Variants in ARID3B observed in about 807,000 individuals in gnomAD.
The protein encoded by ARID3B is AT-rich interaction domain 3B.
ARID3B carries 10 observed loss-of-function variants against 51.9 expected under a neutral mutation model. The ratio of observed to expected loss-of-function variants is 0.19; its 90% CI spans 0.12 to 0.33. The LOEUF (loss-of-function observed/expected upper bound fraction) is 0.33. Among genes scored for constraint, ARID3B ranks in the 10% least tolerant of loss-of-function variants. The pLI is 1.00. For missense variants in ARID3B, 483 were observed against 716.3 expected (o/e 0.67, Z 3.72); for synonymous variants, 205 against 279.5 (o/e 0.73, Z 2.66).
rs142267013 is a variant in ARID3B at position 74,571,788 on chromosome 15, A to G, written c.553-1074A>G. Among the ~76,000 whole-genome samples the G allele has an allele frequency of 1.4e-4, 22 of 152,312 alleles. No individual in the cohort carries two copies. In the East Asian group the frequency reaches 4.2e-3, roughly 29 times the overall value. ...GAAGGGAAGGCTTCCTGCTGAAGAGATAACTGATTGGAGGAATAAGAGTTA... is the reference window on the plus strand; with the variant it reads ...GAAGGGAAGGCTTCCTGCTGAAGAGGTAACTGATTGGAGGAATAAGAGTTA... On this transcript the variant is annotated intron_variant, in intron 2 of 8. Coordinates refer to ENST00000346246, the MANE Select transcript of ARID3B (RefSeq NM_006465.4).
intron 2 of ARID3B, among the ~76,000 whole-genome samples, chr15:74,571,355 C>G (rs142088642): frequency 2.1e-3 from 314 of 152,322 alleles, no homozygotes; most frequent in African/African-American, 7.5e-3. Context: ...CCACTGCTCC[C>G]CAGCCCCACA....
chr15:74,591,929 C>CT lies in ARID3B; in HGVS notation c.1420+115_1420+116insT. 1.4e-6 allele frequency: 2 copies of CT among 1,468,838 alleles called. No homozygotes were observed. The highest frequency in any genetic ancestry group is 1.8e-6 in the Non-Finnish European group (2 of 1,095,072). 91.0% of individuals were successfully genotyped at this position (1,468,838 alleles called of 1,614,324 possible). On this transcript the variant is annotated intron_variant, in intron 7 of 8. Transcript: ENST00000346246. This position sits in a 1 kb window ranked among gnomAD's most constrained non-coding sequence, Gnocchi z 5.8. ...CACATACTCCTGACCTGGAAGAGGCCCCTCCAGGTTCTGCCTTCCAGGCCC... is the reference window on the plus strand; with the variant it reads ...CACATACTCCTGACCTGGAAGAGGCCTCCTCCAGGTTCTGCCTTCCAGGCCC...
intron 4 of ARID3B, among the ~76,000 whole-genome samples, chr15:74,584,634 C>T (rs1432118551): frequency 6.6e-6 from 1 of 152,174 alleles, no homozygotes; most frequent in African/African-American, 2.4e-5. Flanking sequence ...AACACTCTTA[C>T]CATCTCTCAT....
rs1439696427 is a variant in ARID3B at position 74,561,816 on chromosome 15, G to T, written c.553-11046G>T. Among the ~76,000 whole-genome samples, 3 of 152,170 alleles carry T rather than the reference G, an allele frequency of 2.0e-5. No individual in the cohort carries two copies. In the East Asian group the frequency reaches 5.8e-4, roughly 29 times the overall value. On this transcript the variant is annotated intron_variant, in intron 2 of 8. Coordinates refer to ENST00000346246, the MANE Select transcript of ARID3B (RefSeq NM_006465.4). ...TTTTCAACCTTATGGTGGTACAAAA[G>T]CCATGCACACTCAGTAGAAACTACT...
At chr15:74,589,098 G>T (rs2061793761) in intron 4 of ARID3B, among the ~76,000 whole-genome samples, 1 of 136,060 alleles carries the variant, frequency 7.3e-6, no homozygotes, top group South Asian at 2.4e-4. Flanking sequence ...TGTGATCTCG[G>T]CTCACTGCAA....
At chr15:74,571,759 G>C (rs2061719769) in intron 2 of ARID3B, among the ~76,000 whole-genome samples, 2 of 152,184 alleles carry the variant, frequency 1.3e-5, no homozygotes, top group African/African-American at 4.8e-5. Flanking sequence ...GCTTTTAGAG[G>C]GTTGAAGGGA....
At chr15:74,572,461 G>C (rs541638705) in intron 2 of ARID3B, among the ~76,000 whole-genome samples, 2 of 152,346 alleles carry the variant, frequency 1.3e-5, no homozygotes, top group Non-Finnish European at 2.9e-5. Flanking sequence ...ACCAGGCAAG[G>C]TGTCTTCCCA....
At chr15:74,558,426 A>G (rs1567118146) in intron 2 of ARID3B, among the ~76,000 whole-genome samples, 1 of 151,440 alleles carries the variant, frequency 6.6e-6, no homozygotes, top group Non-Finnish European at 1.5e-5. Flanking sequence ...TTTGTTTATA[A>G]ATTTTTTGGC....
In ARID3B at chr15:74,595,601, A is replaced by T. The variant is rs756067780; in HGVS notation, c.1520-10A>T. On this transcript the variant is annotated splice_polypyrimidine_tract_variant and intron_variant, in intron 8 of 8. Coordinates refer to ENST00000346246, the MANE Select transcript of ARID3B (RefSeq NM_006465.4). ...CTCTGCCCACACTTGCTTCTCTTCCACCCACCAAGGTGTGCTGTTTGCCCA... is the reference window on the plus strand; with the variant it reads ...CTCTGCCCACACTTGCTTCTCTTCCTCCCACCAAGGTGTGCTGTTTGCCCA... The T allele has an allele frequency of 6.2e-7, 1 of 1,610,074 alleles. No homozygotes were observed. The highest frequency in any genetic ancestry group is 1.7e-5 in the Admixed American group (1 of 59,636).
At chr15:74,581,440 C>T (rs2061761457) in intron 4 of ARID3B, among the ~76,000 whole-genome samples, 1 of 152,102 alleles carries the variant, frequency 6.6e-6, no homozygotes, top group Admixed American at 6.5e-5. Context: ...TGGTCTGTGC[C>T]CTGGACACCC....
At chr15:74,546,168 G>A (rs538256568) in intron 2 of ARID3B, among the ~76,000 whole-genome samples, 205 of 152,322 alleles carry the variant, frequency 1.3e-3, no homozygotes, top group Non-Finnish European at 2.5e-3. Flanking sequence ...CAACTTCCAC[G>A]ACAGCAGCAC....
chr15:74,577,603 C>T (rs1423896529), intron 4 of ARID3B, among the ~76,000 whole-genome samples: 3 of 152,150 alleles, frequency 2.0e-5, no homozygotes, highest in Non-Finnish European at 4.4e-5. Context: ...TCATCGCACC[C>T]TTGACCTCCC....
Position 74,556,035 on chromosome 15 carries a change from G to A in ARID3B, c.552+11547G>A, listed in dbSNP as rs187982110. Among the ~76,000 whole-genome samples the A allele has an allele frequency of 4.4e-3, 668 of 151,016 alleles. 2 individuals carry two copies. The highest frequency in any genetic ancestry group is 7.4e-3 in the Admixed American group (113 of 15,188). Reference sequence around the variant, plus strand: ...TCTCGATCTCCTGACCTTGTGATCCGCCCGCCTCAGCCTCCGAAGGTGCTG... The same window carrying A: ...TCTCGATCTCCTGACCTTGTGATCCACCCGCCTCAGCCTCCGAAGGTGCTG... On this transcript the variant is annotated intron_variant, in intron 2 of 8. Transcript: ENST00000346246.
At chr15:74,542,802 T>C (rs2061599590) in intron 1 of ARID3B, among the ~76,000 whole-genome samples, 1 of 152,042 alleles carries the variant, frequency 6.6e-6, no homozygotes, top group African/African-American at 2.4e-5. Context: ...TGAAGAAACA[T>C]AACTCAAGTG....
chr15:74,544,546 T>A (rs1013251356), intron 2 of ARID3B, 58 bp downstream of exon 2: 25 of 1,551,576 alleles, frequency 1.6e-5, no homozygotes, highest in Non-Finnish European at 1.9e-5. Context: ...AGAGGGGTCA[T>A]GGACTGACAG....
intron 2 of ARID3B, among the ~76,000 whole-genome samples, chr15:74,545,162 AG>A (rs1235030246): frequency 6.6e-6 from 1 of 152,260 alleles, no homozygotes. Flanking sequence ...GTAATGTAAA[AG>A]AAAGTTCTTG....
rs1041499482 is a variant in ARID3B, at chr15:74,597,185, C to T, written c.*1411C>T. On this transcript the variant is annotated 3_prime_UTR_variant, in exon 9 of 9. Transcript: ENST00000346246. ...CCCCAGGGTATGAGGAGATGAATAA[C>T]TCCACAGCTCCTCCTGGACCCTGCG... 3.3e-4 allele frequency: 98 copies of T among 296,986 alleles called. No individual in the cohort carries two copies. The highest frequency in any genetic ancestry group is 5.1e-4 in the Non-Finnish European group (80 of 156,570). The allele number at this position is 296,986 out of a possible 1,614,324, so 18.4% of individuals were successfully genotyped here.
chr15:74,565,864 G>A (rs2061696296), intron 2 of ARID3B, among the ~76,000 whole-genome samples: 1 of 151,918 alleles, frequency 6.6e-6, no homozygotes, highest in South Asian at 2.1e-4. Flanking sequence ...TTCTCCTGCT[G>A]CCAGGTGCCA....
At chr15:74,590,987 A>G (rs2061800583) in intron 5 of ARID3B, among the ~76,000 whole-genome samples, 164 bp from the exon 6 acceptor site, 1 of 152,210 alleles carries the variant, frequency 6.6e-6, no homozygotes, top group Non-Finnish European at 1.5e-5. Context: ...GCTGGGGCAG[A>G]GTGTCCGGCC....
Sources: allele counts gnomAD v4.1 joint callset (sites outside exome capture counted in the v4.1 genomes callset), GRCh38; gene constraint gnomAD v4.1.1; non-coding constraint Gnocchi (gnomAD v3.1); transcripts MANE v1.5; gene names NCBI Gene and HGNC (gene_info 2026-07-23, HGNC 2026-07-21).